The following TPO variants were observed in gnomAD, a reference collection of about 807,000 sequenced individuals.
TPO encodes thyroid microsomal antigen.
TPO carries 78 observed loss-of-function variants against 96.9 expected under a neutral mutation model. That is an observed-to-expected ratio of 0.81 (90% CI 0.67 to 0.97). TPO has a LOEUF of 0.97. Ranked by LOEUF, TPO falls within the 50% of genes least tolerant of loss-of-function variation. TPO has a pLI of 0.00. For missense variants in TPO, 1,252 were observed against 1,274.8 expected (o/e 0.98, Z 0.27); for synonymous variants, 547 against 538.0 (o/e 1.02, Z -0.23).
In TPO at chr2:1,436,252, A is replaced by T; in HGVS notation, c.350A>T (p.Asp117Val). ...ATTCATGGTTTCCTATTTTTCACAG[A>T]TGCTTTATCAGAAGATCTGCTGAGC... is the stretch of plus-strand genomic sequence containing the variant. ...LKTQQSQHPT[D>V]ALSEDLLSII... Residue 117 changes from aspartate (D) to valine (V), a missense_variant and splice_region_variant, in exon 5 of 17, where the codon GAT (aspartate) becomes GTT (valine). Transcript: ENST00000329066. The T allele has an allele frequency of 6.2e-7, 1 of 1,614,142 alleles. No homozygotes were observed.
intron 1 of TPO, among the ~76,000 whole-genome samples, chr2:1,377,711 A>C (rs1661742368): frequency 6.6e-6 from 1 of 152,170 alleles, no homozygotes; most frequent in African/African-American, 2.4e-5. Flanking sequence ...GAGTTAGCAC[A>C]GGTGGGGAAA....
Position 1,477,520 on chromosome 2 carries a change from C to T in TPO, c.1254C>T (p.Ala418=), listed in dbSNP as rs1443612056. 3 of 1,533,078 alleles carry T rather than the reference C, an allele frequency of 2.0e-6. No homozygotes were observed. The highest frequency in any genetic ancestry group is 2.4e-5 in the South Asian group (2 of 83,826). The allele number at this position is 1,533,078 out of a possible 1,614,324, so 95.0% of individuals were successfully genotyped here. The part of the protein sequence containing the change: ...TLWLREHNRL[A]AALKALNAHW... ...GGCTGCGCGAGCACAACCGCCTGGCCGCGGCGCTCAAGGCCCTCAATGCGC... is the reference window on the plus strand; with the variant it reads ...GGCTGCGCGAGCACAACCGCCTGGCTGCGGCGCTCAAGGCCCTCAATGCGC... Residue 418 remains alanine (A), a synonymous_variant, in exon 8 of 17, where the codon GCC becomes GCT. Coordinates refer to ENST00000329066, the MANE Select transcript of TPO (RefSeq NM_001206744.2).
Position 1,484,719 on chromosome 2 carries a change from G to A in TPO, c.1462G>A (p.Ala488Thr). The part of the protein sequence containing the change: ...NPTVSNVFST[A>T]AFRFGHATIH... ...CACTGTGTCCAACGTGTTCTCCACA[G>A]CCGCCTTCCGCTTCGGCCATGCCAC... is the stretch of plus-strand genomic sequence containing the variant. The change falls in exon 9 of 17, where the codon GCC (alanine) becomes ACC (threonine). Residue 488 changes from alanine (A) to threonine (T), a missense_variant. Coordinates refer to ENST00000329066, the MANE Select transcript of TPO (RefSeq NM_001206744.2). The A allele has an allele frequency of 6.2e-7, 1 of 1,614,102 alleles. No individual in the cohort carries two copies. Among genetic ancestry groups the A allele is most frequent in the Non-Finnish European group, 8.5e-7 (1 of 1,180,028 alleles).
chr2:1,537,535 C>CAA (rs1558441715), intron 15 of TPO, among the ~76,000 whole-genome samples: 200 of 73,060 alleles, frequency 2.7e-3, no homozygotes, highest in Non-Finnish European at 3.8e-3. Flanking sequence ...CCGCCTATCC[C>CAA]CCCCAGTGTG....
rs190883057 is a variant in TPO, at chr2:1,428,761, T to G, written c.180-4677T>G. Among the ~76,000 whole-genome samples the G allele has an allele frequency of 5.9e-5, 9 of 152,272 alleles. No individual in the cohort carries two copies. The East Asian group carries it at 1.4e-3, about 23-fold the overall frequency. On this transcript the variant is annotated intron_variant, in intron 3 of 16. Coordinates refer to ENST00000329066, the MANE Select transcript of TPO (RefSeq NM_001206744.2). Reference sequence around the variant, plus strand: ...TAGCCAAATGTCTTGCTCAGATAGATTTTAGATAAATGTCTCCAAGGAAAG... The same window carrying G: ...TAGCCAAATGTCTTGCTCAGATAGAGTTTAGATAAATGTCTCCAAGGAAAG...
intron 15 of TPO, among the ~76,000 whole-genome samples, chr2:1,524,899 C>A (rs1331726832): frequency 7.9e-6 from 1 of 126,894 alleles, no homozygotes. Flanking sequence ...CCGCACTGTA[C>A]AACCTCCTCA....
chr2:1,501,475 G>A (rs1014901175), intron 13 of TPO, among the ~76,000 whole-genome samples: 2 of 152,180 alleles, frequency 1.3e-5, no homozygotes, highest in African/African-American at 2.4e-5. Flanking sequence ...CCCCTGACTC[G>A]GCCTTCTGCT....
chr2:1,527,268 G>T (rs1400150302), intron 15 of TPO, among the ~76,000 whole-genome samples: 6 of 63,426 alleles, frequency 9.5e-5, no homozygotes, highest in Non-Finnish European at 1.4e-4. Flanking sequence ...AACCCCCACT[G>T]TGAGCAACCT....
At chr2:1,493,205 T>TGGGGGGGGGGGGGGG (rs1671946946) in intron 10 of TPO, among the ~76,000 whole-genome samples, 1 of 4,552 alleles carries the variant, frequency 2.2e-4, no homozygotes, top group African/African-American at 5.5e-4. Context: ...TGTGTGTGAG[T>TGGGGGGGGGGGGGGG]GGGTGGGGGG....
chr2:1,512,560 C>T, intron 14 of TPO: 1 of 898,490 alleles, frequency 1.1e-6, no homozygotes, highest in Non-Finnish European at 1.3e-6. Flanking sequence ...CTCCTGGCTG[C>T]CGAACCTGAA....
intron 3 of TPO, among the ~76,000 whole-genome samples, chr2:1,424,263 A>G (rs887657708): frequency 6.6e-6 from 1 of 151,724 alleles, no homozygotes; most frequent in Non-Finnish European, 1.5e-5. Flanking sequence ...TATTATCAGT[A>G]GGACGGAATG....
chr2:1,508,480 C>G (rs1275724910), intron 14 of TPO, among the ~76,000 whole-genome samples: 1 of 152,094 alleles, frequency 6.6e-6, no homozygotes, highest in African/African-American at 2.4e-5. Context: ...CTCCTTGTAC[C>G]TCTGGTAGAA....
rs534144793 is a variant in TPO, at chr2:1,535,713, G to A, written c.2619-4881G>A. Reference sequence around the variant, plus strand: ...ATGCCCCCAGTGTGTGCAACCTCCCGAAATCCACCCAGTGTGTGCAACCTC... The same window carrying A: ...ATGCCCCCAGTGTGTGCAACCTCCCAAAATCCACCCAGTGTGTGCAACCTC... On this transcript the variant is annotated intron_variant, in intron 15 of 16. Coordinates refer to ENST00000329066, the MANE Select transcript of TPO (RefSeq NM_001206744.2). Among the ~76,000 whole-genome samples, 119 of 21,018 alleles carry A rather than the reference G, an allele frequency of 5.7e-3. 1 individual carries two copies. The highest frequency in any genetic ancestry group is 0.02 in the African/African-American group (107 of 5,408). 13.8% of individuals were successfully genotyped at this position (21,018 alleles called of 152,430 possible).
intron 12 of TPO, 63 bp downstream of exon 12, chr2:1,496,260 C>T: frequency 6.4e-7 from 1 of 1,563,116 alleles, no homozygotes; most frequent in South Asian, 1.1e-5. Flanking sequence ...CAAAGCTTAT[C>T]TTCCCCAGGA....
intron 1 of TPO, among the ~76,000 whole-genome samples, chr2:1,378,274 A>T (rs931384012): frequency 1.3e-5 from 2 of 152,206 alleles, no homozygotes; most frequent in African/African-American, 4.8e-5. Flanking sequence ...ACGTTGCTGG[A>T]GAGCGGGGCC....
At chr2:1,496,802 G>A in intron 13 of TPO, 37 bp downstream of exon 13, 1 of 1,613,156 alleles carries the variant, frequency 6.2e-7, no homozygotes, top group Non-Finnish European at 8.5e-7. Flanking sequence ...CAAAACATCT[G>A]AATGTTTCCG....
intron 2 of TPO, among the ~76,000 whole-genome samples, chr2:1,418,014 G>T (rs1437514900): frequency 6.6e-6 from 1 of 152,164 alleles, no homozygotes; most frequent in Non-Finnish European, 1.5e-5. Context: ...CCAGTGCCAT[G>T]ACTCACATCT....
intron 11 of TPO, 112 bp from the exon 12 acceptor site, chr2:1,495,877 C>T (rs773429023): frequency 5.5e-5 from 69 of 1,243,860 alleles, no homozygotes; most frequent in Non-Finnish European, 7.3e-5. Flanking sequence ...GGGGTCTGGG[C>T]AGACGCCGCA....
intron 15 of TPO, among the ~76,000 whole-genome samples, chr2:1,533,011 G>C (rs1263455357): frequency 3.8e-5 from 1 of 26,030 alleles, no homozygotes; most frequent in Non-Finnish European, 7.0e-5. Context: ...ACCTCCTCTA[G>C]TCCCCCACTG....
Sources: allele counts gnomAD v4.1 joint callset (sites outside exome capture counted in the v4.1 genomes callset), GRCh38; gene constraint gnomAD v4.1.1; transcripts MANE v1.5; gene names NCBI Gene and HGNC (gene_info 2026-07-23, HGNC 2026-07-21).